The following OR11A1 variants were observed in gnomAD, a reference collection of about 807,000 sequenced individuals.
OR11A1 encodes olfactory receptor family 11 subfamily A member 1, also known as olfactory receptor 11A1.
For synonymous variants in OR11A1, 158 were observed against 152.2 expected, an observed-to-expected ratio of 1.04 and a Z score of -0.28; for missense variants, 380 against 378.2, an observed-to-expected ratio of 1.00 and a Z score of -0.04.
chr6:29,429,360 C>A (rs2151363165), intron 3 of OR11A1, among the ~76,000 whole-genome samples: 1 of 152,300 alleles, frequency 6.6e-6, no homozygotes, highest in African/African-American at 2.4e-5. Flanking sequence ...TCCCCCTTGA[C>A]TAATAGAGCC....
intron 1 of OR11A1, among the ~76,000 whole-genome samples, chr6:29,449,613 C>T (rs1785126903): frequency 6.6e-6 from 1 of 152,118 alleles, no homozygotes; most frequent in South Asian, 2.1e-4. Context: ...TACACCCACC[C>T]ACCCATAAAT....
chr6:29,440,488 A>G lies in OR11A1; in HGVS notation c.-388-8501T>C, dbSNP rs767190683. On this transcript the variant is annotated intron_variant, in intron 1 of 4. Transcript: ENST00000377149. ...TGTGGGGTGCTGGTGGGGCTGGGCC[A>G]CACCCCTTTCATCTTCTCTTTGCCC... is the stretch of plus-strand genomic sequence containing the variant. 8.4e-5 allele frequency: 136 copies of G among 1,613,042 alleles called. No homozygotes were observed. The highest frequency in any genetic ancestry group is 1.1e-4 in the Non-Finnish European group (125 of 1,179,414).
chr6:29,448,010 C>CTT (rs9280602), intron 1 of OR11A1, among the ~76,000 whole-genome samples: 8,108 of 79,852 alleles, frequency 0.1, 845 homozygotes, highest in Non-Finnish European at 0.12. Context: ...ATGACCCTTT[C>CTT]TTTTTTTTTT....
chr6:29,432,293 A>T (rs774288271), intron 1 of OR11A1, among the ~76,000 whole-genome samples: 7 of 152,114 alleles, frequency 4.6e-5, no homozygotes, highest in Admixed American at 1.3e-4. Flanking sequence ...CGGAGCAGAA[A>T]CCAAAAGAGC....
rs978386126 is a variant in OR11A1 at position 29,426,306 on chromosome 6, C to T, written c.*388G>A. ...GAAAATCAAATACCGTATGTCTTCACTCATAAGTGGGAGCTAAATTATGAA... is the reference window on the plus strand; with the variant it reads ...GAAAATCAAATACCGTATGTCTTCATTCATAAGTGGGAGCTAAATTATGAA... On this transcript the variant is annotated 3_prime_UTR_variant, in exon 5 of 5. Coordinates refer to ENST00000377149, the MANE Select transcript of OR11A1 (RefSeq NM_001394828.1). The T allele has an allele frequency of 5.6e-6, 1 of 179,036 alleles. No individual in the cohort carries two copies. The highest frequency in any genetic ancestry group is 1.2e-5 in the Non-Finnish European group (1 of 86,074). 11.1% of individuals were successfully genotyped at this position (179,036 alleles called of 1,614,324 possible).
chr6:29,433,803 AGTT>A (rs1783428480), intron 1 of OR11A1, among the ~76,000 whole-genome samples: 2 of 152,116 alleles, frequency 1.3e-5, no homozygotes, highest in Non-Finnish European at 2.9e-5. Context: ...AAAGTGTATG[AGTT>A]CTCCTTTTCC....
chr6:29,443,940 T>C (rs1784460971), intron 1 of OR11A1, among the ~76,000 whole-genome samples: 1 of 151,798 alleles, frequency 6.6e-6, no homozygotes, highest in South Asian at 2.1e-4. Context: ...TTAGTCTTTC[T>C]GGAGCAAGAC....
chr6:29,432,802 A>T (rs576490349), intron 1 of OR11A1, among the ~76,000 whole-genome samples: 1 of 152,124 alleles, frequency 6.6e-6, no homozygotes, highest in South Asian at 2.1e-4. Context: ...GTCATTTATC[A>T]AACTCAGACC....
intron 1 of OR11A1, among the ~76,000 whole-genome samples, chr6:29,441,806 G>A (rs1313088335): frequency 1.3e-5 from 2 of 152,068 alleles, no homozygotes; most frequent in African/African-American, 4.8e-5. Context: ...CTCAGTGTTA[G>A]GTCCCACTTT....
In OR11A1 at chr6:29,427,349, C is replaced by G; in HGVS notation, c.293G>C (p.Cys98Ser). Residue 98 changes from cysteine (C) to serine (S), a missense_variant, in exon 5 of 5, where the codon TGC (cysteine) becomes TCC (serine). Coordinates refer to ENST00000377149, the MANE Select transcript of OR11A1 (RefSeq NM_001394828.1). Reference sequence around the variant, plus strand: ...GCCGAAGATAAAGAACTGGAGCAAGCAACCAGCCACAGAGATAGTTGCTTC... The same window carrying G: ...GCCGAAGATAAAGAACTGGAGCAAGGAACCAGCCACAGAGATAGTTGCTTC... The part of the protein sequence containing the change: ...LQEATISVAG[C>S]LLQFFIFGSL... The G allele has an allele frequency of 6.2e-7, 1 of 1,613,090 alleles. No individual in the cohort carries two copies. Among genetic ancestry groups the G allele is most frequent in the Non-Finnish European group, 8.5e-7 (1 of 1,180,032 alleles).
intron 1 of OR11A1, among the ~76,000 whole-genome samples, chr6:29,454,911 C>T (rs1785879498): frequency 6.6e-6 from 1 of 151,578 alleles, no homozygotes; most frequent in African/African-American, 2.4e-5. Flanking sequence ...TATCGCTTCT[C>T]GGCCTTTTGG....
At chr6:29,456,724 T>C (rs1398733559) in intron 1 of OR11A1, among the ~76,000 whole-genome samples, 1 of 152,152 alleles carries the variant, frequency 6.6e-6, no homozygotes, top group Non-Finnish European at 1.5e-5. Flanking sequence ...ACTGTTTCTC[T>C]ATTACAGCAT....
chr6:29,441,983 G>T (rs1175727814), intron 1 of OR11A1, among the ~76,000 whole-genome samples: 1 of 152,136 alleles, frequency 6.6e-6, no homozygotes. Flanking sequence ...TAAAGTTGCG[G>T]TAACAACAGA....
At position 29,427,557 on chromosome 6, in the gene OR11A1, A is replaced by T. The variant is rs766464789; in HGVS notation, c.85T>A (p.Phe29Ile). The T allele has an allele frequency of 1.7e-5, 28 of 1,613,078 alleles. No homozygotes were observed. In the East Asian group the frequency reaches 6.0e-4, roughly 35 times the overall value. The change falls in exon 5 of 5, where the codon TTT becomes ATT. Residue 29 changes from phenylalanine (F) to isoleucine (I), a missense_variant. Phe to Ile is a conservative substitution (Grantham distance 21). Transcript: ENST00000377149. ...FYDIPELHFLFFIVFTAVYVF... is the reference protein window; with the variant it reads ...FYDIPELHFLIFIVFTAVYVF... ...TAGACAGCAGTGAATACAATAAAAA[A>T]CAAGAAATGCAGTTCAGGGATGTCA...
rs1427651060 is a variant in OR11A1 at position 29,427,845 on chromosome 6, C to CT, written c.-91-114dup. On this transcript the variant is annotated intron_variant, in intron 4 of 4. Transcript: ENST00000377149. ...TGTCATTCCTTCCTCAACTCTCATC[C>CT]TTCCCTGCCTTCCTTAATTGTGCAT... is the stretch of plus-strand genomic sequence containing the variant. 13 of 749,876 alleles carry CT rather than the reference C, an allele frequency of 1.7e-5. No individual in the cohort carries two copies. In the East Asian group the frequency reaches 3.5e-4, roughly 20 times the overall value. The allele number at this position is 749,876 out of a possible 1,614,324, so 46.5% of individuals were successfully genotyped here.
At chr6:29,452,764 G>A (rs749642507) in intron 1 of OR11A1, among the ~76,000 whole-genome samples, 9 of 152,008 alleles carry the variant, frequency 5.9e-5, no homozygotes, top group African/African-American at 2.2e-4. Context: ...GAATAAAAAA[G>A]GATAAAGGAA....
intron 1 of OR11A1, chr6:29,440,180 G>A (rs1442313764): frequency 6.2e-7 from 1 of 1,613,732 alleles, no homozygotes; most frequent in Admixed American, 1.7e-5. Flanking sequence ...CTGCCCTCCA[G>A]TCCCCTATGT....
intron 1 of OR11A1, among the ~76,000 whole-genome samples, chr6:29,443,226 A>T (rs1209977511): frequency 6.6e-5 from 10 of 152,182 alleles, no homozygotes; most frequent in African/African-American, 2.4e-4. Flanking sequence ...TCACGAAATG[A>T]ACATATCCAG....
At chr6:29,441,112 C>T in intron 1 of OR11A1, 1 of 593,752 alleles carries the variant, frequency 1.7e-6, no homozygotes, top group Non-Finnish European at 3.0e-6. Flanking sequence ...CAAATGCGCT[C>T]CTCAGACCCT....
Sources: allele counts gnomAD v4.1 joint callset (sites outside exome capture counted in the v4.1 genomes callset), GRCh38; gene constraint gnomAD v4.1.1; transcripts MANE v1.5; gene names NCBI Gene and HGNC (gene_info 2026-07-23, HGNC 2026-07-21).